The following SLC26A4 variants were observed in gnomAD, a reference collection of about 807,000 sequenced individuals.
SLC26A4 encodes pendrin.
SLC26A4 carries 93 observed loss-of-function variants against 90.4 expected under a neutral mutation model. The ratio of observed to expected loss-of-function variants is 1.03; its 90% CI spans 0.87 to 1.22. The LOEUF (loss-of-function observed/expected upper bound fraction) is 1.22, where lower values mean the gene tolerates loss of function less well. Ranked by LOEUF, SLC26A4 falls within the 50% of genes most tolerant of loss-of-function variation. The pLI, the probability that SLC26A4 is intolerant of heterozygous loss-of-function variation, is 0.00. For missense variants in SLC26A4, 1,127 were observed against 946.2 expected, an observed-to-expected ratio of 1.19 and a Z score of -2.51; for synonymous variants, 393 against 354.6, an observed-to-expected ratio of 1.11 and a Z score of -1.22.
At chr7:107,691,424 C>T (rs994020214) in intron 10 of SLC26A4, among the ~76,000 whole-genome samples, 30 of 151,352 alleles carry the variant, frequency 2.0e-4, no homozygotes, top group Non-Finnish European at 4.0e-4. Flanking sequence ...ATCACTTGAA[C>T]CTGGGAGGTG....
At chr7:107,709,972 A>G in intron 18 of SLC26A4, 82 bp from the exon 19 acceptor site, 3 of 1,196,596 alleles carry the variant, frequency 2.5e-6, no homozygotes, top group Middle Eastern at 2.2e-4. Context: ...CAGCCTGGGC[A>G]ATAGAATGAG....
At chr7:107,681,468 T>A (rs1471891844) in intron 6 of SLC26A4, among the ~76,000 whole-genome samples, 4 of 152,196 alleles carry the variant, frequency 2.6e-5, no homozygotes, top group Non-Finnish European at 4.4e-5. Flanking sequence ...AAGTAGTTTA[T>A]CTGTGAAAAT....
Position 107,661,806 on chromosome 7 carries a change from G to A in SLC26A4, c.164+1G>A. The A allele has an allele frequency of 6.5e-7, 1 of 1,535,638 alleles. No homozygotes were observed. Among genetic ancestry groups the A allele is most frequent in the South Asian group, 1.2e-5 (1 of 83,894 alleles). On this transcript the variant is annotated splice_donor_variant, in intron 2 of 20. Coordinates refer to ENST00000644269, the MANE Select transcript of SLC26A4 (RefSeq NM_000441.2). LOFTEE classifies it high-confidence loss of function. The surrounding 1 kb of genome is among the most constrained non-coding windows in gnomAD (Gnocchi z 5.1). ...GGGAGAGCCTGGCCAAGTGCTGCAG[G>A]TAGCGGCCGCGCGGGCCTGCGTAGA...
Position 107,683,364 on chromosome 7 carries a change from A to G in SLC26A4, c.918+10A>G. On this transcript the variant is annotated intron_variant, in intron 7 of 20. Transcript: ENST00000644269. The stretch of plus-strand genomic sequence containing the variant: ...TATAGAAGTAATTGTGGTAAGTAGA[A>G]TATGTAGTTAGAAAGTTCAGCATTA... 1 of 1,613,050 alleles carries G rather than the reference A, an allele frequency of 6.2e-7. No homozygotes were observed. Among genetic ancestry groups the G allele is most frequent in the Non-Finnish European group, 8.5e-7 (1 of 1,179,056 alleles).
At chr7:107,668,931 A>G (rs1167301912) in intron 3 of SLC26A4, among the ~76,000 whole-genome samples, 2 of 152,100 alleles carry the variant, frequency 1.3e-5, no homozygotes, top group African/African-American at 4.8e-5. Context: ...CAACAGAGAA[A>G]TTCTATCATT....
In SLC26A4 at chr7:107,710,134, G is replaced by T; in HGVS notation, c.2170G>T (p.Asp724Tyr). ...RKDTFFLTVH[D>Y]AILYLQNQVK... ...GGACACATTCTTTTTGACGGTCCATGATGCTATACTCTATCTACAGAACCA... is the reference window on the plus strand; with the variant it reads ...GGACACATTCTTTTTGACGGTCCATTATGCTATACTCTATCTACAGAACCA... The change falls in exon 19 of 21, where the codon GAT (aspartate) becomes TAT (tyrosine). Residue 724 changes from aspartate to tyrosine, a missense_variant. By Grantham distance (160) the Asp-to-Tyr change is radical (BLOSUM62 -3). Coordinates refer to ENST00000644269, the MANE Select transcript of SLC26A4 (RefSeq NM_000441.2). 6.2e-7 allele frequency: 1 copy of T among 1,609,230 alleles called. No homozygotes were observed. Among genetic ancestry groups the T allele is most frequent in the Non-Finnish European group, 8.5e-7 (1 of 1,175,542 alleles).
intron 6 of SLC26A4, among the ~76,000 whole-genome samples, chr7:107,682,689 T>C (rs1208226606): frequency 4.6e-5 from 7 of 151,576 alleles, no homozygotes; most frequent in Non-Finnish European, 8.8e-5. Flanking sequence ...TACACACATA[T>C]ACACACACAA....
intron 18 of SLC26A4, among the ~76,000 whole-genome samples, chr7:107,707,721 A>G (rs1210958603): frequency 6.6e-6 from 1 of 152,228 alleles, no homozygotes; most frequent in Non-Finnish European, 1.5e-5. Context: ...AGAAAGTTAA[A>G]CATCATTTCT....
At chr7:107,677,638 C>T (rs1379722280) in intron 6 of SLC26A4, among the ~76,000 whole-genome samples, 1 of 150,188 alleles carries the variant, frequency 6.7e-6, no homozygotes, top group Middle Eastern at 3.4e-3. Context: ...CAGGGTCTTG[C>T]CCCATTGCCT....
intron 6 of SLC26A4, among the ~76,000 whole-genome samples, chr7:107,680,259 A>G (rs1164915765): frequency 8.2e-6 from 1 of 122,356 alleles, no homozygotes; most frequent in African/African-American, 3.3e-5. Context: ...CTTATTATAT[A>G]ATCTTATCTT....
intron 11 of SLC26A4, 61 bp downstream of exon 11, chr7:107,694,541 A>G: frequency 6.6e-7 from 1 of 1,523,570 alleles, no homozygotes; most frequent in South Asian, 1.1e-5. Flanking sequence ...CTGCTACCAG[A>G]TAAATAACAG....
intron 18 of SLC26A4, among the ~76,000 whole-genome samples, chr7:107,708,195 C>A (rs1409821097): frequency 6.6e-6 from 1 of 152,098 alleles, no homozygotes; most frequent in Non-Finnish European, 1.5e-5. Context: ...AAATAATTCC[C>A]TTCTACTTTT....
Position 107,661,427 on chromosome 7 carries a change from A to C in SLC26A4, c.-3-212A>C. 1.6e-6 allele frequency: 1 copy of C among 607,806 alleles called. No homozygotes were observed. Among genetic ancestry groups the C allele is most frequent in the Non-Finnish European group, 2.9e-6 (1 of 342,270 alleles). 37.7% of individuals were successfully genotyped at this position (607,806 alleles called of 1,614,324 possible). Reference sequence around the variant, plus strand: ...AGCGGGTGCAGGCCACGAGACCCGAAGGTTCTCAGGTGCCCCCCTGCAGGC... The same window carrying C: ...AGCGGGTGCAGGCCACGAGACCCGACGGTTCTCAGGTGCCCCCCTGCAGGC... On this transcript the variant is annotated intron_variant, in intron 1 of 20. Transcript: ENST00000644269. The surrounding 1 kb of genome is among the most constrained non-coding windows in gnomAD (Gnocchi z 5.1).
chr7:107,686,169 T>A (rs1791393293), intron 8 of SLC26A4, among the ~76,000 whole-genome samples: 1 of 151,902 alleles, frequency 6.6e-6, no homozygotes, highest in African/African-American at 2.4e-5. Flanking sequence ...TAAATTTTAA[T>A]CCCTATTCAC....
chr7:107,692,038 T>C (rs751473217), intron 10 of SLC26A4: 8 of 1,289,284 alleles, frequency 6.2e-6, no homozygotes, highest in Non-Finnish European at 6.1e-6. Flanking sequence ...TCTCCTGATG[T>C]TACCTCCAGG....
intron 8 of SLC26A4, among the ~76,000 whole-genome samples, chr7:107,687,685 C>A (rs1476244849): frequency 6.6e-6 from 1 of 152,154 alleles, no homozygotes; most frequent in East Asian, 1.9e-4. Flanking sequence ...AACTAGGCAG[C>A]CAGGCAGGCA....
rs577451229 is a variant in SLC26A4 at position 107,668,291 on chromosome 7, G to A, written c.305-3847G>A. Reference sequence around the variant, plus strand: ...CATGGAATCTGTGTGGGCAAGGGTGGAAGTGAAGACAGGAAGGTGTGGAGG... The same window carrying A: ...CATGGAATCTGTGTGGGCAAGGGTGAAAGTGAAGACAGGAAGGTGTGGAGG... On this transcript the variant is annotated intron_variant, in intron 3 of 20. Transcript: ENST00000644269. Among the ~76,000 whole-genome samples, 193 of 152,326 alleles carry A rather than the reference G, an allele frequency of 1.3e-3. 1 individual carries two copies. Among genetic ancestry groups the A allele is most frequent in the Middle Eastern group, 0.01 (3 of 294 alleles).
chr7:107,677,876 C>G (rs780888034), intron 6 of SLC26A4, among the ~76,000 whole-genome samples: 1 of 152,074 alleles, frequency 6.6e-6, no homozygotes, highest in Non-Finnish European at 1.5e-5. Context: ...TTTGGCCTCC[C>G]AAAGTTCTGG....
chr7:107,691,759 A>C (rs563812847), intron 10 of SLC26A4: 70 of 1,029,142 alleles, frequency 6.8e-5, no homozygotes, highest in Non-Finnish European at 7.9e-5. Flanking sequence ...TTATTTTCAG[A>C]ATTTTTCTTA....
Sources: allele counts gnomAD v4.1 joint callset (sites outside exome capture counted in the v4.1 genomes callset), GRCh38; gene constraint gnomAD v4.1.1; non-coding constraint Gnocchi (gnomAD v3.1); transcripts MANE v1.5; gene names NCBI Gene and HGNC (gene_info 2026-07-23, HGNC 2026-07-21).